The following PCSK6 variants were observed in gnomAD, a reference collection of about 807,000 sequenced individuals.
The protein encoded by PCSK6 is paired basic amino acid cleaving enzyme 4.
PCSK6 carries 85 observed loss-of-function variants against 123.3 expected under a neutral mutation model. That is an observed-to-expected ratio of 0.69 (90% CI 0.58 to 0.83). The LOEUF (loss-of-function observed/expected upper bound fraction) is 0.83. PCSK6 is among the 40% of genes least tolerant of loss of function. The pLI is 0.00. For missense variants in PCSK6, 1,191 were observed against 1,282.3 expected (o/e 0.93, Z 1.09); for synonymous variants, 508 against 516.0 (o/e 0.98, Z 0.21).
chr15:101,449,090 C>T (rs1331068652), intron 1 of PCSK6, among the ~76,000 whole-genome samples: 4 of 152,028 alleles, frequency 2.6e-5, no homozygotes, highest in Admixed American at 6.6e-5. Flanking sequence ...CCTTGGCATC[C>T]GTGGGGGGCT....
intron 6 of PCSK6, among the ~76,000 whole-genome samples, chr15:101,424,916 G>A (rs7169026): frequency 0.29 from 44,231 of 152,044 alleles, 6,655 homozygotes; most frequent in African/African-American, 0.34. Context: ...TGGATATGCC[G>A]CTGACAGAGA....
At chr15:101,328,323 G>A (rs1477342084) in intron 15 of PCSK6, among the ~76,000 whole-genome samples, 1 of 152,206 alleles carries the variant, frequency 6.6e-6, no homozygotes, top group Admixed American at 6.5e-5. Flanking sequence ...AGTGCGACAG[G>A]GAGGCGGCAG....
intron 13 of PCSK6, among the ~76,000 whole-genome samples, chr15:101,360,838 G>A (rs991880981): frequency 2.6e-5 from 4 of 152,166 alleles, no homozygotes; most frequent in East Asian, 1.9e-4. Context: ...AGGCCTTCCC[G>A]GTACACCCTG....
rs371455660 is a variant in PCSK6 at position 101,307,272 on chromosome 15, C to T, written c.2753G>A (p.Cys918Tyr). 3 of 1,613,858 alleles carry T rather than the reference C, an allele frequency of 1.9e-6. No homozygotes were observed. Among genetic ancestry groups the T allele is most frequent in the African/African-American group, 1.3e-5 (1 of 75,042 alleles). ...CAGSSRNCSR[C>Y]KTGFTQLGTS... is the part of the protein sequence containing the mutation. ...CCCCAGCTGTGTGAAGCCCGTCTTA[C>T]ACCTGCTACAGTTCCTGCTGGAGCC... Residue 918 changes from cysteine to tyrosine, a missense_variant, in exon 21 of 22, where the codon TGT becomes TAT. Transcript: ENST00000611716.
At chr15:101,410,310 G>A (rs1596306121) in intron 6 of PCSK6, among the ~76,000 whole-genome samples, 1 of 152,198 alleles carries the variant, frequency 6.6e-6, no homozygotes, top group Non-Finnish European at 1.5e-5. Context: ...GAGGTGAGCT[G>A]ATGGCAGTGG....
rs2039711063 is a variant in PCSK6 at position 101,305,840 on chromosome 15, T to C, written c.2813-485A>G. 6.4e-6 allele frequency: 1 copy of C among 156,344 alleles called. No homozygotes were observed. The allele number at this position is 156,344 out of a possible 1,614,324, so 9.7% of individuals were successfully genotyped here. On this transcript the variant is annotated intron_variant, in intron 21 of 21. Coordinates refer to ENST00000611716, the MANE Select transcript of PCSK6 (RefSeq NM_002570.5). The surrounding 1 kb of genome is among the most constrained non-coding windows in gnomAD (Gnocchi z 4.8). Reference sequence around the variant, plus strand: ...AGGATGGCAGCCCTTGAAGCCCCTCTCCTGCAATGCACTTGACTCTGGGAG... The same window carrying C: ...AGGATGGCAGCCCTTGAAGCCCCTCCCCTGCAATGCACTTGACTCTGGGAG...
chr15:101,415,413 C>T (rs1464868427), intron 6 of PCSK6, among the ~76,000 whole-genome samples: 1 of 152,192 alleles, frequency 6.6e-6, no homozygotes, highest in Non-Finnish European at 1.5e-5. Context: ...GCCAGAGCTT[C>T]TAAGCTTTCA....
At chr15:101,389,271 C>T (rs1041923277) in intron 9 of PCSK6, among the ~76,000 whole-genome samples, 193 bp downstream of exon 9, 4 of 152,152 alleles carry the variant, frequency 2.6e-5, no homozygotes, top group East Asian at 1.9e-4. Flanking sequence ...TGCTGTTTAA[C>T]GGGCAGAGGG....
At chr15:101,458,089 A>G (rs1166169773) in intron 1 of PCSK6, among the ~76,000 whole-genome samples, 2 of 152,196 alleles carry the variant, frequency 1.3e-5, no homozygotes, top group Non-Finnish European at 2.9e-5. Flanking sequence ...ATGGTCAGAC[A>G]CATTCGTCCT....
At position 101,305,230 on chromosome 15, in the gene PCSK6, C is replaced by T. The variant is rs370823339; in HGVS notation, c.*28G>A. 3.1e-5 allele frequency: 49 copies of T among 1,559,260 alleles called. No homozygotes were observed. In the African/African-American group the frequency reaches 6.0e-4, roughly 19 times the overall value. On this transcript the variant is annotated 3_prime_UTR_variant, in exon 22 of 22. Coordinates refer to ENST00000611716, the MANE Select transcript of PCSK6 (RefSeq NM_002570.5). The surrounding 1 kb of genome is among the most constrained non-coding windows in gnomAD (Gnocchi z 4.8). ...GTGGACGGATGGATGGATGGGAGTG[C>T]CTGCCCTCTGTGGGCAGCTAGGCAC...
intron 3 of PCSK6, 106 bp from the exon 4 acceptor site, chr15:101,431,569 A>G (rs2056448700): frequency 2.9e-6 from 4 of 1,388,380 alleles, no homozygotes; most frequent in Non-Finnish European, 4.0e-6. Flanking sequence ...GCAAGTAAAA[A>G]AGGAGGGAAC....
chr15:101,322,093 A>T (rs1196681447), intron 18 of PCSK6, among the ~76,000 whole-genome samples: 1 of 152,170 alleles, frequency 6.6e-6, no homozygotes, highest in Non-Finnish European at 1.5e-5. Context: ...CGTAAAGAGC[A>T]CCCTCAGGAA....
intron 8 of PCSK6, among the ~76,000 whole-genome samples, chr15:101,390,795 GAC>G (rs1188144115): frequency 6.6e-6 from 1 of 152,240 alleles, no homozygotes; most frequent in Non-Finnish European, 1.5e-5. Flanking sequence ...TCAAAGCAGA[GAC>G]TCGGCTGAGG....
chr15:101,366,807 G>T (rs1596241141), intron 12 of PCSK6, among the ~76,000 whole-genome samples: 1 of 152,178 alleles, frequency 6.6e-6, no homozygotes, highest in South Asian at 2.1e-4. Flanking sequence ...CACTAAGGAC[G>T]CCTTTTGAAA....
intron 20 of PCSK6, chr15:101,307,787 G>A: frequency 5.9e-6 from 1 of 168,802 alleles, no homozygotes; most frequent in Admixed American, 5.9e-5. Flanking sequence ...CCAGAAGGCT[G>A]CTGTCACCTA....
Position 101,398,075 on chromosome 15 carries a change from C to G in PCSK6, c.996+329G>C, listed in dbSNP as rs887661082. Among the ~76,000 whole-genome samples the G allele has an allele frequency of 7.2e-5, 11 of 152,224 alleles. No homozygotes were observed. Among genetic ancestry groups the G allele is most frequent in the Non-Finnish European group, 1.3e-4 (9 of 68,038 alleles). Reference sequence around the variant, plus strand: ...GAGTCCAAGTAACAGGCCAGGTGAGCTGCCTTAGACCCCCGTCACCCACCT... The same window carrying G: ...GAGTCCAAGTAACAGGCCAGGTGAGGTGCCTTAGACCCCCGTCACCCACCT... On this transcript the variant is annotated intron_variant, in intron 7 of 21. Transcript: ENST00000611716. The surrounding 1 kb of genome is among the most constrained non-coding windows in gnomAD (Gnocchi z 4.6).
chr15:101,395,785 G>A (rs538848520), intron 7 of PCSK6, among the ~76,000 whole-genome samples: 8 of 152,288 alleles, frequency 5.3e-5, no homozygotes, highest in African/African-American at 1.2e-4. Flanking sequence ...GAAGCACCGC[G>A]ACTGAGGGCC....
intron 6 of PCSK6, among the ~76,000 whole-genome samples, chr15:101,424,789 T>C (rs546490058): frequency 7.2e-5 from 11 of 152,334 alleles, no homozygotes; most frequent in African/African-American, 2.6e-4. Flanking sequence ...ACACATTATA[T>C]AGAAAGTACA....
intron 1 of PCSK6, among the ~76,000 whole-genome samples, chr15:101,449,161 G>A (rs910460607): frequency 2.0e-5 from 3 of 152,070 alleles, no homozygotes; most frequent in Admixed American, 6.5e-5. Flanking sequence ...GATATAAAAT[G>A]GCATCATATT....
Sources: gnomAD v4.1 joint callset for allele counts (sites outside exome capture counted in the v4.1 genomes callset) on GRCh38, gnomAD v4.1.1 for gene constraint, Gnocchi (gnomAD v3.1) non-coding constraint, MANE v1.5 for transcripts, NCBI Gene and HGNC (gene_info 2026-07-23, HGNC 2026-07-21) for gene names.